The following INPP4B variants were observed in gnomAD, a reference collection of about 807,000 sequenced individuals.
The protein encoded by INPP4B is inositol polyphosphate 4-phosphatase type II.
Under a neutral mutation model 122.5 loss-of-function variants are expected in INPP4B, and 55 were observed. The observed-to-expected ratio is 0.45, with a 90% CI of 0.36 to 0.56. The LOEUF (loss-of-function observed/expected upper bound fraction) is 0.56. Ranked by LOEUF, INPP4B falls within the 20% of genes least tolerant of loss-of-function variation. The pLI, the probability that INPP4B is intolerant of heterozygous loss-of-function variation, is 0.00. For synonymous variants in INPP4B, 403 were observed against 388.7 expected (o/e 1.04, Z -0.43); for missense variants, 1,000 against 1,097.7 (o/e 0.91, Z 1.26).
At chr4:142,418,797 G>T (rs1380972080) in intron 5 of INPP4B, among the ~76,000 whole-genome samples, 3 of 152,166 alleles carry the variant, frequency 2.0e-5, no homozygotes, top group African/African-American at 7.2e-5. Context: ...GCCATTGGAA[G>T]ATCTTAACTA....
intron 7 of INPP4B, among the ~76,000 whole-genome samples, chr4:142,397,041 A>G (rs1799591220): frequency 6.6e-6 from 1 of 152,238 alleles, no homozygotes; most frequent in Non-Finnish European, 1.5e-5. Context: ...CTCATGGAAC[A>G]GAACAGTTAA....
chr4:142,659,896 G>C (rs984359432), intron 2 of INPP4B, among the ~76,000 whole-genome samples: 2 of 148,502 alleles, frequency 1.3e-5, no homozygotes, highest in African/African-American at 5.0e-5. Flanking sequence ...CCACCCGTGA[G>C]ATACAGTTTT....
chr4:142,205,722 G>A (rs1057416534), intron 14 of INPP4B, among the ~76,000 whole-genome samples: 1 of 152,148 alleles, frequency 6.6e-6, no homozygotes, highest in African/African-American at 2.4e-5. Flanking sequence ...GCCCAGGGCT[G>A]TTACACTCTA....
At chr4:142,184,157 C>G (rs894497845) in intron 15 of INPP4B, among the ~76,000 whole-genome samples, 1 of 152,102 alleles carries the variant, frequency 6.6e-6, no homozygotes, top group Non-Finnish European at 1.5e-5. Context: ...GTGCCTCTTG[C>G]CTAAATATCA....
At chr4:142,348,651 T>A (rs1318826402) in intron 7 of INPP4B, among the ~76,000 whole-genome samples, 1 of 152,060 alleles carries the variant, frequency 6.6e-6, no homozygotes, top group Non-Finnish European at 1.5e-5. Context: ...GACACATTAA[T>A]CTAAAGCAAC....
intron 2 of INPP4B, among the ~76,000 whole-genome samples, chr4:142,698,921 C>T (rs1462775573): frequency 1.1e-4 from 16 of 152,150 alleles, no homozygotes; most frequent in Admixed American, 1.0e-3. Context: ...CCTACCCCTT[C>T]CTTTTCACCC....
chr4:142,525,191 G>A (rs1159758750), intron 2 of INPP4B, among the ~76,000 whole-genome samples: 1 of 151,804 alleles, frequency 6.6e-6, no homozygotes, highest in Non-Finnish European at 1.5e-5. Context: ...GGGATGTGAA[G>A]GACCTCTTCA....
chr4:142,663,733 A>ATTGTGT (rs1398064885), intron 2 of INPP4B, among the ~76,000 whole-genome samples: 10 of 152,202 alleles, frequency 6.6e-5, no homozygotes, highest in African/African-American at 2.4e-4. Flanking sequence ...GACCATTTTA[A>ATTGTGT]TTGTGTTTTG....
intron 9 of INPP4B, among the ~76,000 whole-genome samples, chr4:142,279,523 G>C (rs1170490573): frequency 6.7e-6 from 1 of 148,500 alleles, no homozygotes; most frequent in Admixed American, 6.7e-5. Context: ...GATGGTATTG[G>C]AACAATTAAA....
At chr4:142,469,557 A>T (rs191688588) in intron 2 of INPP4B, among the ~76,000 whole-genome samples, 1 of 152,158 alleles carries the variant, frequency 6.6e-6, no homozygotes, top group African/African-American at 2.4e-5. Context: ...TATTCTGAAT[A>T]TTAATAAAAT....
chr4:142,423,545 A>G (rs552978104), intron 5 of INPP4B, among the ~76,000 whole-genome samples: 1 of 152,090 alleles, frequency 6.6e-6, no homozygotes, highest in South Asian at 2.1e-4. Flanking sequence ...ACAAAGCCTT[A>G]ACCACCAAAG....
chr4:142,355,266 T>C (rs1345642752), intron 7 of INPP4B, among the ~76,000 whole-genome samples: 1 of 151,998 alleles, frequency 6.6e-6, no homozygotes, highest in Admixed American at 6.6e-5. Flanking sequence ...TCCACCTCTT[T>C]ATAGGAGGAG....
rs546727024 is a variant in INPP4B at position 142,530,027 on chromosome 4, A to G, written c.-190-67301T>C. 7.9e-5 allele frequency among the ~76,000 whole-genome samples: 12 copies of G among 152,302 alleles called. No homozygotes were observed. In the South Asian group the frequency reaches 2.1e-3, roughly 26 times the overall value. The stretch of plus-strand genomic sequence containing the variant: ...ATAGGAACATGCAGGGGGCAGGAAC[A>G]TGCAATAAAGGAAAACCGTAAATGT... On this transcript the variant is annotated intron_variant, in intron 2 of 25. Transcript: ENST00000262992.
intron 12 of INPP4B, among the ~76,000 whole-genome samples, chr4:142,216,771 T>C (rs148479938): frequency 1.3e-5 from 2 of 152,116 alleles, no homozygotes; most frequent in Non-Finnish European, 1.5e-5. Flanking sequence ...TTTAAAAACA[T>C]GAAGAGAAAA....
At chr4:142,539,262 A>T (rs1207939619) in intron 2 of INPP4B, among the ~76,000 whole-genome samples, 3 of 151,776 alleles carry the variant, frequency 2.0e-5, no homozygotes, top group African/African-American at 7.3e-5. Flanking sequence ...CAACAAGAAA[A>T]ATGTTCCTTA....
At chr4:142,496,910 C>G (rs1822645721) in intron 2 of INPP4B, 1 of 150,690 alleles carries the variant, frequency 6.6e-6, no homozygotes, top group African/African-American at 2.4e-5. Flanking sequence ...TTCACTCACA[C>G]TCTTTGAGGA....
rs556565711 is a variant in INPP4B, at chr4:142,302,875, G to A, written c.503+2583C>T. 4.6e-5 allele frequency among the ~76,000 whole-genome samples: 7 copies of A among 152,176 alleles called. No homozygotes were observed. In the East Asian group the frequency reaches 1.4e-3, roughly 29 times the overall value. ...AGAGTGGATGTAATATAAAGATGTA[G>A]ACAATATTATTAAAGAGAACCCAAG... On this transcript the variant is annotated intron_variant, in intron 9 of 25. Coordinates refer to ENST00000262992, the MANE Select transcript of INPP4B (RefSeq NM_001101669.3).
rs1475700394 is a variant in INPP4B at position 142,270,744 on chromosome 4, G to A, written c.534C>T (p.Thr178=). 6.2e-7 allele frequency: 1 copy of A among 1,613,682 alleles called. No individual in the cohort carries two copies. The highest frequency in any genetic ancestry group is 8.5e-7 in the Non-Finnish European group (1 of 1,179,822). The change falls in exon 10 of 26, where the codon ACC becomes ACT. Residue 178 remains threonine, a synonymous_variant. Transcript: ENST00000262992. ...RTSDGGKVVG[T]IEVSVVKMGE... is the part of the protein sequence containing the mutation. Reference sequence around the variant, plus strand: ...CCATCTTCACGACACTGACTTCTATGGTGCCAACCACTTTGCCACCATCTG... The same window carrying A: ...CCATCTTCACGACACTGACTTCTATAGTGCCAACCACTTTGCCACCATCTG...
chr4:142,700,214 GAA>G (rs1364506944), intron 2 of INPP4B, among the ~76,000 whole-genome samples: 1 of 151,800 alleles, frequency 6.6e-6, no homozygotes, highest in Admixed American at 6.6e-5. Flanking sequence ...GCAACAGGGA[GAA>G]AAAAAACCTA....
Sources: gnomAD v4.1 joint callset for allele counts (sites outside exome capture counted in the v4.1 genomes callset) on GRCh38, gnomAD v4.1.1 for gene constraint, MANE v1.5 for transcripts, NCBI Gene and HGNC (gene_info 2026-07-23, HGNC 2026-07-21) for gene names.